The following MACROD2 variants were observed in gnomAD, a reference collection of about 807,000 sequenced individuals.
MACROD2 encodes mono-ADP ribosylhydrolase 2, also known as ADP-ribose glycohydrolase MACROD2.
MACROD2 carries 36 observed loss-of-function variants against 70.4 expected under a neutral mutation model. That is an observed-to-expected ratio of 0.51 (90% CI 0.39 to 0.68). The LOEUF (loss-of-function observed/expected upper bound fraction) is 0.68, where lower values mean the gene tolerates loss of function less well. Among genes scored for constraint, MACROD2 ranks in the 30% least tolerant of loss-of-function variants. MACROD2 has a pLI of 0.00. For missense variants in MACROD2, 496 were observed against 538.4 expected (o/e 0.92, Z 0.78); for synonymous variants, 172 against 178.8 (o/e 0.96, Z 0.30).
intron 8 of MACROD2, among the ~76,000 whole-genome samples, chr20:15,745,439 A>G (rs993833138): frequency 6.6e-6 from 1 of 152,112 alleles, no homozygotes; most frequent in African/African-American, 2.4e-5. Context: ...ACTTTTCTTT[A>G]GGATGGTCAA....
At chr20:14,152,297 A>G (rs923814270) in intron 3 of MACROD2, among the ~76,000 whole-genome samples, 1 of 152,216 alleles carries the variant, frequency 6.6e-6, no homozygotes, top group Non-Finnish European at 1.5e-5. Context: ...AGCAGAATTT[A>G]TCATTCTGTT....
At position 15,797,413 on chromosome 20, in the gene MACROD2, C is replaced by G. The variant is rs186734309; in HGVS notation, c.646-65332C>G. Reference sequence around the variant, plus strand: ...TACAGGCGTGAGCCACCGCGCCCAGCCTTGGGGTTCTATCTTTATGCTAGT... The same window carrying G: ...TACAGGCGTGAGCCACCGCGCCCAGGCTTGGGGTTCTATCTTTATGCTAGT... On this transcript the variant is annotated intron_variant, in intron 8 of 17. Coordinates refer to ENST00000684519, the MANE Select transcript of MACROD2 (RefSeq NM_001351661.2). Among the ~76,000 whole-genome samples, 448 of 152,336 alleles carry G rather than the reference C, an allele frequency of 2.9e-3. 2 individuals are homozygous for G. Among genetic ancestry groups the G allele is most frequent in the Admixed American group, 5.0e-3 (77 of 15,308 alleles).
rs75111141 is a variant in MACROD2, at chr20:15,922,853, G to A, written c.776-10423G>A. The stretch of plus-strand genomic sequence containing the variant: ...TGGTGCAATGTCCAGAACAGAGGGA[G>A]CTTCCCCAAAGTTTTGCTCAATGAT... On this transcript the variant is annotated intron_variant, in intron 10 of 17. Transcript: ENST00000684519. Among the ~76,000 whole-genome samples the A allele has an allele frequency of 2.4e-3, 360 of 152,376 alleles. 1 individual carries two copies. The highest frequency in any genetic ancestry group is 0.023 in the South Asian group (112 of 4,832).
chr20:14,004,156 C>T (rs2052778006), intron 2 of MACROD2, among the ~76,000 whole-genome samples: 1 of 152,128 alleles, frequency 6.6e-6, no homozygotes, highest in South Asian at 2.1e-4. Flanking sequence ...TGTTGGTGCT[C>T]AAAAAGTTTC....
At chr20:15,360,400 T>C (rs2078338216) in intron 6 of MACROD2, among the ~76,000 whole-genome samples, 1 of 152,172 alleles carries the variant, frequency 6.6e-6, no homozygotes, top group Non-Finnish European at 1.5e-5. Flanking sequence ...GTGATTGCTG[T>C]AACATATGCA....
At chr20:14,390,173 G>A (rs1488687000) in intron 3 of MACROD2, among the ~76,000 whole-genome samples, 1 of 152,028 alleles carries the variant, frequency 6.6e-6, no homozygotes, top group Admixed American at 6.5e-5. Context: ...TAAAATACTA[G>A]AAATACAGCC....
intron 5 of MACROD2, among the ~76,000 whole-genome samples, chr20:14,911,587 C>T (rs1474076465): frequency 6.6e-6 from 1 of 151,970 alleles, no homozygotes; most frequent in Non-Finnish European, 1.5e-5. Flanking sequence ...CTATGATGCC[C>T]AGGCTGGTCT....
At chr20:15,958,646 T>A (rs908835723) in intron 12 of MACROD2, among the ~76,000 whole-genome samples, 5 of 152,184 alleles carry the variant, frequency 3.3e-5, no homozygotes, top group Non-Finnish European at 5.9e-5. Context: ...TGTGCACAAA[T>A]GCATATGTCA....
At chr20:14,523,025 G>A (rs550791610) in intron 4 of MACROD2, among the ~76,000 whole-genome samples, 10 of 151,938 alleles carry the variant, frequency 6.6e-5, no homozygotes, top group African/African-American at 2.4e-4. Context: ...CTTATCCCTC[G>A]ATCTGTTATT....
At chr20:15,130,268 C>G (rs1314382965) in intron 5 of MACROD2, among the ~76,000 whole-genome samples, 1 of 151,932 alleles carries the variant, frequency 6.6e-6, no homozygotes, top group Admixed American at 6.6e-5. Flanking sequence ...ATCCACCCAT[C>G]CATCCATCTA....
intron 12 of MACROD2, among the ~76,000 whole-genome samples, chr20:15,940,219 T>G (rs879924550): frequency 6.6e-6 from 1 of 151,448 alleles, no homozygotes; most frequent in Non-Finnish European, 1.5e-5. Flanking sequence ...GCCTCCCAGG[T>G]AGCTCAGATT....
At chr20:14,117,033 C>T (rs2054523551) in intron 3 of MACROD2, among the ~76,000 whole-genome samples, 1 of 147,040 alleles carries the variant, frequency 6.8e-6, no homozygotes, top group Non-Finnish European at 1.5e-5. Context: ...TGCCACTGCA[C>T]TCCAGCCTGG....
At chr20:15,135,049 C>A (rs6079673) in intron 5 of MACROD2, among the ~76,000 whole-genome samples, 89,312 of 151,520 alleles carry the variant, frequency 0.59, 26,446 homozygotes, top group East Asian at 0.61. Flanking sequence ...CAATAACAGG[C>A]TCTGAAATTG....
chr20:15,871,387 T>C (rs2064581320), intron 9 of MACROD2, among the ~76,000 whole-genome samples: 1 of 152,072 alleles, frequency 6.6e-6, no homozygotes, highest in African/African-American at 2.4e-5. Context: ...TTACACTGAT[T>C]TTATAAGTTT....
intron 3 of MACROD2, among the ~76,000 whole-genome samples, chr20:14,202,029 A>G (rs995928214): frequency 2.6e-5 from 4 of 152,088 alleles, no homozygotes; most frequent in African/African-American, 9.7e-5. Flanking sequence ...AGACTCCTAA[A>G]TAATATGTAA....
chr20:14,961,819 AAG>A (rs1215945875), intron 5 of MACROD2, among the ~76,000 whole-genome samples: 1 of 152,174 alleles, frequency 6.6e-6, no homozygotes, highest in Non-Finnish European at 1.5e-5. Flanking sequence ...AAATAATTCA[AAG>A]AGTTTAAAAA....
Position 14,613,338 on chromosome 20 carries a change from T to C in MACROD2, c.302-71505T>C, listed in dbSNP as rs1385987792. Among the ~76,000 whole-genome samples the C allele has an allele frequency of 2.6e-5, 4 of 152,104 alleles. No homozygotes were observed. In the East Asian group the frequency reaches 7.7e-4, roughly 29 times the overall value. ...AACAAGATTTATGGACTTGTTTTCT[T>C]GGGCTTGCATTTCCCTGTGAGAGAG... On this transcript the variant is annotated intron_variant, in intron 4 of 17. Coordinates refer to ENST00000684519, the MANE Select transcript of MACROD2 (RefSeq NM_001351661.2).
At chr20:15,462,410 T>G (rs1392315702) in intron 7 of MACROD2, among the ~76,000 whole-genome samples, 5 of 152,240 alleles carry the variant, frequency 3.3e-5, no homozygotes, top group Non-Finnish European at 7.3e-5. Context: ...CTGAAATTTT[T>G]ATTGTAAAGT....
chr20:14,371,822 C>G (rs1404130587), intron 3 of MACROD2, among the ~76,000 whole-genome samples: 1 of 151,758 alleles, frequency 6.6e-6, no homozygotes, highest in East Asian at 1.9e-4. Context: ...CTTTTCTTTT[C>G]TTTTCTTTTT....
Sources: allele counts gnomAD v4.1 joint callset (sites outside exome capture counted in the v4.1 genomes callset), GRCh38; gene constraint gnomAD v4.1.1; transcripts MANE v1.5; gene names NCBI Gene and HGNC (gene_info 2026-07-23, HGNC 2026-07-21).